CFAP99: variants seen among roughly 807,000 people sequenced by gnomAD.
The protein encoded by CFAP99 is cilia- and flagella-associated protein 99.
Under a neutral mutation model 82.7 loss-of-function variants are expected in CFAP99, and 84 were observed. The ratio of observed to expected loss-of-function variants is 1.02; its 90% CI spans 0.85 to 1.22. The LOEUF is 1.22. Ranked by LOEUF, CFAP99 falls within the 50% of genes most tolerant of loss-of-function variation. The pLI is 0.00. For synonymous variants in CFAP99, 456 were observed against 429.5 expected (o/e 1.06, Z -0.76); for missense variants, 1,059 against 983.5 (o/e 1.08, Z -1.03).
intron 2 of CFAP99, among the ~76,000 whole-genome samples, chr4:2,429,421 G>A (rs1733752421): frequency 6.6e-6 from 1 of 152,220 alleles, no homozygotes; most frequent in Non-Finnish European, 1.5e-5. Context: ...GACTATCACA[G>A]GTGTGCATTT....
At chr4:2,432,663 C>A (rs569487863) in intron 2 of CFAP99, among the ~76,000 whole-genome samples, 5 of 152,276 alleles carry the variant, frequency 3.3e-5, no homozygotes, top group African/African-American at 1.2e-4. Context: ...TGCTGAGAAA[C>A]CCCTGCAGCA....
exon 6 of CFAP99, chr4:2,445,181 C>T: frequency 7.0e-7 from 1 of 1,424,266 alleles, no homozygotes; most frequent in Non-Finnish European, 9.1e-7. Context: ...GGCGTGTCTG[C>T]CAGTCAATCC....
At chr4:2,456,386 T>C (rs978794043) in intron 11 of CFAP99, among the ~76,000 whole-genome samples, 2 of 151,880 alleles carry the variant, frequency 1.3e-5, no homozygotes, top group South Asian at 2.1e-4. Context: ...GGATATATTT[T>C]AAAATTATGG....
chr4:2,429,876 C>T (rs1371615484), intron 2 of CFAP99, among the ~76,000 whole-genome samples: 1 of 152,250 alleles, frequency 6.6e-6, no homozygotes, highest in Non-Finnish European at 1.5e-5. Context: ...CAGGCATGAG[C>T]CACTGCACCC....
At chr4:2,439,875 G>C (rs1011155116) in intron 4 of CFAP99, among the ~76,000 whole-genome samples, 1 of 151,278 alleles carries the variant, frequency 6.6e-6, no homozygotes, top group Admixed American at 6.6e-5. Flanking sequence ...ACGGGGTCTC[G>C]CTCTGTCGCC....
chr4:2,438,363 T>C (rs112503251), intron 4 of CFAP99, among the ~76,000 whole-genome samples, 199 bp downstream of exon 4: 7,624 of 152,148 alleles, frequency 0.05, 620 homozygotes, highest in African/African-American at 0.17. Flanking sequence ...CCCGGGTTCA[T>C]ACCATTCTCC....
rs1282688775 is a variant in CFAP99 at position 2,436,824 on chromosome 4, C to T, written c.112-50C>T. 4 of 1,514,406 alleles carry T rather than the reference C, an allele frequency of 2.6e-6. No individual in the cohort carries two copies. The East Asian group carries it at 9.8e-5, about 37-fold the overall frequency. The allele number at this position is 1,514,406 out of a possible 1,614,324, so 93.8% of individuals were successfully genotyped here. A position where few individuals can be genotyped will look rare whatever the true frequency, so the allele number is the denominator to read the frequency against. On this transcript the variant is annotated intron_variant, in intron 2 of 14. Transcript: ENST00000635017. ...CCAAGTGTCCCACCCCCACCGCCGC[C>T]CTTTCCTCCCGGCCCAGCCAGGGCC...
Position 2,462,579 on chromosome 4 carries a change from C to T in CFAP99, c.1798C>T (p.Pro600Ser), listed in dbSNP as rs1041480853. ...GGCGGCCTTGCTGCACGTGTCGGCG[C>T]CGCGGACCGCGCGCCCCAAGCCCCG... The change falls in exon 15 of 15, where the codon CCG (proline) becomes TCG (serine). Residue 600 changes from proline (P) to serine (S), a missense_variant. Transcript: ENST00000635017. This position sits in a 1 kb window ranked among gnomAD's most constrained non-coding sequence, Gnocchi z 4.1. The T allele has an allele frequency of 2.7e-5, 38 of 1,430,546 alleles. No individual in the cohort carries two copies. Among genetic ancestry groups the T allele is most frequent in the Non-Finnish European group, 2.8e-5 (31 of 1,095,416 alleles). The allele number at this position is 1,430,546 out of a possible 1,614,324, so 88.6% of individuals were successfully genotyped here. A position where few individuals can be genotyped will look rare whatever the true frequency, so the allele number is the denominator to read the frequency against.
At chr4:2,458,352 C>A (rs1311774262) in intron 11 of CFAP99, among the ~76,000 whole-genome samples, 1 of 152,142 alleles carries the variant, frequency 6.6e-6, no homozygotes, top group Non-Finnish European at 1.5e-5. Context: ...ACAGGGTATT[C>A]CACGTCCCCC....
rs1246644031 is a variant in CFAP99 at position 2,462,474 on chromosome 4, C to CCGGCGG, written c.1696_1701dup (p.Ala566_Ala567dup). On this transcript the variant is annotated inframe_insertion, in exon 15 of 15. Coordinates refer to ENST00000635017, the Ensembl canonical transcript of CFAP99. The surrounding 1 kb of genome is among the most constrained non-coding windows in gnomAD (Gnocchi z 4.1). ...GGAAAAGAAGGCCCTTGCGGCGGCCCCGGCGGCGCCCTCGCAGGACGAGCG... is the reference window on the plus strand; with the variant it reads ...GGAAAAGAAGGCCCTTGCGGCGGCCCCGGCGGCGGCGGCGCCCTCGCAGGACGAGCG... 31 of 1,470,188 alleles carry CCGGCGG rather than the reference C, an allele frequency of 2.1e-5. No homozygotes were observed. The African/African-American group carries it at 3.1e-4, about 15-fold the overall frequency. The allele number at this position is 1,470,188 out of a possible 1,614,324, so 91.1% of individuals were successfully genotyped here. A position where few individuals can be genotyped will look rare whatever the true frequency, so the allele number is the denominator to read the frequency against.
In CFAP99 at chr4:2,456,808, C is replaced by T. The variant is rs569040845; in HGVS notation, c.1162-1915C>T. On this transcript the variant is annotated intron_variant, in intron 11 of 14. Coordinates refer to ENST00000635017, the Ensembl canonical transcript of CFAP99. ...TGCTGGGATTACAGGCATGAGCCACCGCGCCCGGCCAATAACTTGTTTTTT... is the reference window on the plus strand; with the variant it reads ...TGCTGGGATTACAGGCATGAGCCACTGCGCCCGGCCAATAACTTGTTTTTT... Among the ~76,000 whole-genome samples, 162 of 152,200 alleles carry T rather than the reference C, an allele frequency of 1.1e-3. 1 individual carries two copies. The Middle Eastern group carries it at 0.017, about 16-fold the overall frequency.
chr4:2,437,946 A>C, intron 3 of CFAP99, 124 bp from the exon 4 acceptor site: 1 of 601,038 alleles, frequency 1.7e-6, no homozygotes, highest in Non-Finnish European at 3.0e-6. Flanking sequence ...GGTGGGCACC[A>C]ATAGGGTGGG....
rs753453203 is a variant in CFAP99, at chr4:2,449,725, A to G, written c.698A>G (p.Lys233Arg). The G allele has an allele frequency of 2.8e-5, 43 of 1,536,034 alleles. No homozygotes were observed. The highest frequency in any genetic ancestry group is 7.8e-5 in the Admixed American group (4 of 50,980). ...GAGCAGCAGCAGCTGGAGACAGTCA[A>G]GAGGTACAACCGCCGAAAGGCCGAG... Residue 233 changes from lysine to arginine, a missense_variant, in exon 7 of 15, where the codon AAG becomes AGG. Transcript: ENST00000635017.
Position 2,443,259 on chromosome 4 carries a change from G to C in CFAP99, c.464+17G>C. 6.7e-7 allele frequency: 1 copy of C among 1,486,388 alleles called. No homozygotes were observed. The allele number at this position is 1,486,388 out of a possible 1,614,324, so 92.1% of individuals were successfully genotyped here. ...CCTGATGAGGTAGGCTGGATGGGGG[G>C]CTCTGGGGGCCCTGAATGGCATCTG... On this transcript the variant is annotated intron_variant, in intron 5 of 14. Coordinates refer to ENST00000635017, the Ensembl canonical transcript of CFAP99.
chr4:2,438,845 G>C (rs1008243612), intron 4 of CFAP99, among the ~76,000 whole-genome samples: 1 of 152,190 alleles, frequency 6.6e-6, no homozygotes, highest in African/African-American at 2.4e-5. Context: ...TGCTGCTTTT[G>C]TCCTGGGGAA....
intron 6 of CFAP99, among the ~76,000 whole-genome samples, chr4:2,445,755 T>C (rs1332558589): frequency 6.6e-6 from 1 of 152,172 alleles, no homozygotes; most frequent in African/African-American, 2.4e-5. Context: ...ATGCTTTGTA[T>C]TGCAAATAAC....
intron 1 of CFAP99, among the ~76,000 whole-genome samples, chr4:2,422,582 C>T (rs1733606286): frequency 6.6e-6 from 1 of 152,290 alleles, no homozygotes; most frequent in East Asian, 1.9e-4. Context: ...TTGGCAGCAG[C>T]TCCCACCACA....
intron 1 of CFAP99, among the ~76,000 whole-genome samples, chr4:2,421,418 G>T (rs1373171786): frequency 7.5e-6 from 1 of 132,954 alleles, no homozygotes; most frequent in Admixed American, 8.6e-5. Context: ...GCAGAGGCAC[G>T]ATCTCAGCTC....
chr4:2,447,013 T>C (rs1410599146), intron 6 of CFAP99, among the ~76,000 whole-genome samples: 1 of 151,682 alleles, frequency 6.6e-6, no homozygotes, highest in African/African-American at 2.4e-5. Context: ...AATGAATGGA[T>C]GGATGGGTAG....
Sources: allele counts gnomAD v4.1 joint callset (sites outside exome capture counted in the v4.1 genomes callset), GRCh38; gene constraint gnomAD v4.1.1; non-coding constraint Gnocchi (gnomAD v3.1); transcripts MANE v1.5; gene names NCBI Gene and HGNC (gene_info 2026-07-23, HGNC 2026-07-21).